Variants in CYP4F22 observed in about 807,000 individuals in gnomAD.
The protein encoded by CYP4F22 is ultra-long-chain fatty acid omega-hydroxylase.
CYP4F22 carries 37 observed loss-of-function variants against 60.4 expected under a neutral mutation model. The observed-to-expected ratio is 0.61, with a 90% CI of 0.47 to 0.81. The LOEUF is 0.81. Ranked by LOEUF, CYP4F22 falls within the 30% of genes least tolerant of loss-of-function variation. CYP4F22 has a pLI of 0.00. For synonymous variants in CYP4F22, 258 were observed against 280.5 expected, an observed-to-expected ratio of 0.92 and a Z score of 0.80; for missense variants, 655 against 715.0, an observed-to-expected ratio of 0.92 and a Z score of 0.96.
chr19:15,535,843 A>T (rs1971389102), intron 4 of CYP4F22, among the ~76,000 whole-genome samples: 1 of 152,176 alleles, frequency 6.6e-6, no homozygotes, highest in Non-Finnish European at 1.5e-5. Flanking sequence ...CTAGCACAAC[A>T]TATCAGTAAT....
At chr19:15,512,426 C>T (rs1971102812) in intron 1 of CYP4F22, among the ~76,000 whole-genome samples, 1 of 152,148 alleles carries the variant, frequency 6.6e-6, no homozygotes, top group Non-Finnish European at 1.5e-5. Flanking sequence ...CTGCCTCAGC[C>T]TCCCAAGTAG....
chr19:15,508,947 C>G (rs1390387399), intron 1 of CYP4F22, among the ~76,000 whole-genome samples: 2 of 151,904 alleles, frequency 1.3e-5, no homozygotes, highest in Non-Finnish European at 2.9e-5. Flanking sequence ...CAGATGGGTT[C>G]AAGCCCCGCC....
chr19:15,529,952 A>T (rs1266379612), intron 4 of CYP4F22, 99 bp downstream of exon 4: 1 of 1,528,470 alleles, frequency 6.5e-7, no homozygotes, highest in Non-Finnish European at 9.1e-7. Context: ...GGGTCATTTG[A>T]ATAGGGCTTT....
intron 1 of CYP4F22, among the ~76,000 whole-genome samples, chr19:15,519,054 C>T (rs1406390204): frequency 1.3e-5 from 2 of 151,972 alleles, no homozygotes; most frequent in Non-Finnish European, 2.9e-5. Context: ...GAGATGCCCC[C>T]AGGGGGATGT....
At chr19:15,546,260 G>A (rs896150891) in intron 10 of CYP4F22, among the ~76,000 whole-genome samples, 3 of 152,116 alleles carry the variant, frequency 2.0e-5, no homozygotes, top group Admixed American at 6.5e-5. Context: ...ATAGGTGTGA[G>A]CCACTGTGCC....
intron 4 of CYP4F22, among the ~76,000 whole-genome samples, chr19:15,534,532 G>A (rs1361816586): frequency 6.6e-6 from 1 of 151,854 alleles, no homozygotes; most frequent in African/African-American, 2.4e-5. Context: ...GCCCAGGCTG[G>A]TCTTGAACTT....
chr19:15,509,490 G>T (rs894319307), intron 1 of CYP4F22, among the ~76,000 whole-genome samples: 2 of 151,984 alleles, frequency 1.3e-5, no homozygotes, highest in African/African-American at 4.8e-5. Flanking sequence ...CTGGAGCTGT[G>T]CCCAGCCAGG....
chr19:15,515,596 C>T (rs1296137153), intron 1 of CYP4F22, among the ~76,000 whole-genome samples: 3 of 152,048 alleles, frequency 2.0e-5, no homozygotes, highest in African/African-American at 7.2e-5. Flanking sequence ...TGTGGTGGCG[C>T]ATGCCGGTAA....
intron 12 of CYP4F22, among the ~76,000 whole-genome samples, chr19:15,549,495 T>C (rs1055658626): frequency 2.0e-5 from 3 of 152,012 alleles, no homozygotes; most frequent in African/African-American, 7.2e-5. Flanking sequence ...TAAATAAGAT[T>C]TTGGGTATTG....
chr19:15,551,655 C>A lies in CYP4F22; in HGVS notation c.*184C>A. 1 of 719,688 alleles carries A rather than the reference C, an allele frequency of 1.4e-6. No individual in the cohort carries two copies. The highest frequency in any genetic ancestry group is 2.2e-6 in the Non-Finnish European group (1 of 446,106). The allele number at this position is 719,688 out of a possible 1,614,324, so 44.6% of individuals were successfully genotyped here. ...CCACGCCCCTCAAGGCAAGGCTCCT[C>A]CCCTTAGGGGGCCTGATCCCGCCCC... On this transcript the variant is annotated 3_prime_UTR_variant, in exon 14 of 14. Transcript: ENST00000269703.
chr19:15,509,904 C>CTTTCTTTCTTTCTTTCTTT (rs1555725971), intron 1 of CYP4F22, among the ~76,000 whole-genome samples: 66 of 86,770 alleles, frequency 7.6e-4, no homozygotes, highest in African/African-American at 1.2e-3. Context: ...TTCCTTCCTT[C>CTTTCTTTCTTTCTTTCTTT]CTTTCTTTCT....
At position 15,549,598 on chromosome 19, in the gene CYP4F22, T is replaced by A. The variant is rs560383543; in HGVS notation, c.1335+396T>A. ...ATCCCAGCACTTTGAGAGGCTAAGG[T>A]GGGAGAATCGCTTGGGCCCAGGAGT... On this transcript the variant is annotated intron_variant, in intron 12 of 13. Transcript: ENST00000269703. 2.9e-4 allele frequency among the ~76,000 whole-genome samples: 44 copies of A among 152,134 alleles called. No homozygotes were observed. The South Asian group carries it at 8.7e-3, about 30-fold the overall frequency.
chr19:15,550,825 T>C, intron 13 of CYP4F22, 69 bp downstream of exon 13: 2 of 1,574,844 alleles, frequency 1.3e-6, no homozygotes, highest in Non-Finnish European at 1.7e-6. Flanking sequence ...ATCAGGAATG[T>C]GCCTCTCAGG....
intron 3 of CYP4F22, among the ~76,000 whole-genome samples, chr19:15,526,611 G>A (rs1287673707): frequency 6.6e-6 from 1 of 152,154 alleles, no homozygotes; most frequent in African/African-American, 2.4e-5. Context: ...GCTGACCTTA[G>A]GTCACACAGC....
intron 10 of CYP4F22, 52 bp downstream of exon 10, chr19:15,544,331 G>A (rs1250034555): frequency 6.3e-7 from 1 of 1,583,268 alleles, no homozygotes; most frequent in South Asian, 1.1e-5. Context: ...CAGAGCCTTG[G>A]GTGTAAGCCT....
chr19:15,528,575 TTC>T, intron 3 of CYP4F22, among the ~76,000 whole-genome samples: 2 of 143,638 alleles, frequency 1.4e-5, no homozygotes, highest in Non-Finnish European at 3.1e-5. Flanking sequence ...GGTGGTCTTC[TTC>T]CCCTATCTCA....
intron 8 of CYP4F22, among the ~76,000 whole-genome samples, 168 bp from the exon 9 acceptor site, chr19:15,543,803 G>C (rs1971489734): frequency 6.7e-6 from 1 of 149,898 alleles, no homozygotes. Flanking sequence ...GCTGCAGTTA[G>C]CCGAGATTGT....
chr19:15,524,668 A>AGG (rs1411105412), intron 2 of CYP4F22, among the ~76,000 whole-genome samples: 5 of 132,964 alleles, frequency 3.8e-5, no homozygotes, highest in African/African-American at 8.3e-5. Context: ...GAAAGAAAGA[A>AGG]GGAGAGAGAG....
rs748042791 is a variant in CYP4F22 at position 15,547,968 on chromosome 19, TGA to T, written c.1137-114_1137-113del. On this transcript the variant is annotated intron_variant, in intron 10 of 13. Transcript: ENST00000269703. ...GACTGGTTTCTTGCCCAGCTGCCCC[TGA>T]GAGAGAGAGAGAGAGAGAGAGAGAG... 50,193 of 1,027,398 alleles carry T rather than the reference TGA, an allele frequency of 0.049. 741 individuals are homozygous for T. Among genetic ancestry groups the T allele is most frequent in the African/African-American group, 0.09 (3,809 of 42,450 alleles). The allele number at this position is 1,027,398 out of a possible 1,614,324, so 63.6% of individuals were successfully genotyped here.
Sources: allele counts gnomAD v4.1 joint callset (sites outside exome capture counted in the v4.1 genomes callset), GRCh38; gene constraint gnomAD v4.1.1; transcripts MANE v1.5; gene names NCBI Gene and HGNC (gene_info 2026-07-23, HGNC 2026-07-21).